REEP1: variants seen among roughly 807,000 people sequenced by gnomAD.
REEP1 encodes receptor expression-enhancing protein 1.
Under a neutral mutation model 40.3 loss-of-function variants are expected in REEP1, and 22 were observed. The observed-to-expected ratio is 0.55, with a 90% CI of 0.39 to 0.78. The LOEUF (loss-of-function observed/expected upper bound fraction) is 0.78. Among genes scored for constraint, REEP1 ranks in the 30% least tolerant of loss-of-function variants. REEP1 has a pLI of 0.00. For missense variants in REEP1, 280 were observed against 361.1 expected, an observed-to-expected ratio of 0.78 and a Z score of 1.82; for synonymous variants, 116 against 139.2, an observed-to-expected ratio of 0.83 and a Z score of 1.17.
chr2:86,283,864 G>A (rs1678237179), intron 1 of REEP1, among the ~76,000 whole-genome samples: 2 of 152,128 alleles, frequency 1.3e-5, no homozygotes, highest in African/African-American at 4.8e-5. Flanking sequence ...AGCCCAGCCA[G>A]GCCAGCCTCC....
intron 5 of REEP1, among the ~76,000 whole-genome samples, chr2:86,245,527 C>T (rs373174758): frequency 3.3e-5 from 5 of 152,186 alleles, no homozygotes; most frequent in African/African-American, 7.2e-5. Context: ...GCACCTATGA[C>T]GCACTGCCTC....
chr2:86,313,468 C>T (rs550610272), intron 1 of REEP1, among the ~76,000 whole-genome samples: 184 of 152,218 alleles, frequency 1.2e-3, no homozygotes, highest in Non-Finnish European at 2.3e-3. Flanking sequence ...GAGAAGTTTG[C>T]TACCTAGCTA....
intron 5 of REEP1, among the ~76,000 whole-genome samples, chr2:86,248,590 A>G (rs1197654657): frequency 6.6e-6 from 1 of 152,056 alleles, no homozygotes; most frequent in Non-Finnish European, 1.5e-5. Flanking sequence ...AGCTGGGACT[A>G]TAGGCACATG....
intron 1 of REEP1, among the ~76,000 whole-genome samples, chr2:86,332,630 G>A (rs1169715444): frequency 6.6e-6 from 1 of 152,146 alleles, no homozygotes; most frequent in Non-Finnish European, 1.5e-5. Flanking sequence ...AGGAAGTGGG[G>A]AGACTGACCC....
chr2:86,231,901 C>T (rs188240617), intron 6 of REEP1, among the ~76,000 whole-genome samples: 36 of 152,330 alleles, frequency 2.4e-4, no homozygotes, highest in African/African-American at 8.2e-4. Context: ...TGGGTCTCAC[C>T]CCAGACCTAC....
intron 2 of REEP1, among the ~76,000 whole-genome samples, chr2:86,267,707 T>A (rs930845808): frequency 6.6e-6 from 1 of 151,998 alleles, no homozygotes; most frequent in Non-Finnish European, 1.5e-5. Flanking sequence ...AAATTAGACT[T>A]CATCAAAATT....
intron 1 of REEP1, among the ~76,000 whole-genome samples, chr2:86,330,724 G>C (rs981197011): frequency 6.6e-6 from 1 of 151,928 alleles, no homozygotes; most frequent in East Asian, 1.9e-4. Flanking sequence ...GGGATTACAC[G>C]GTCAGCCACC....
intron 8 of REEP1, among the ~76,000 whole-genome samples, chr2:86,218,161 G>A (rs1362599999): frequency 6.6e-6 from 1 of 152,114 alleles, no homozygotes; most frequent in Non-Finnish European, 1.5e-5. Context: ...CTTCTGCAAA[G>A]GTTTCCCGGA....
Position 86,314,835 on chromosome 2 carries a change from G to A in REEP1, c.32+22644C>T, listed in dbSNP as rs560145090. ...AGCCTGCTGAGTAGCTGGGACTACA[G>A]GCATGCGCCACCATACCCAGCTAAT... On this transcript the variant is annotated intron_variant, in intron 1 of 8. Coordinates refer to ENST00000538924, the MANE Select transcript of REEP1 (RefSeq NM_001371279.1). Among the ~76,000 whole-genome samples, 19 of 150,724 alleles carry A rather than the reference G, an allele frequency of 1.3e-4. No homozygotes were observed. The East Asian group carries it at 3.4e-3, about 27-fold the overall frequency.
chr2:86,273,825 A>T (rs1677596816), intron 2 of REEP1, among the ~76,000 whole-genome samples: 1 of 152,090 alleles, frequency 6.6e-6, no homozygotes, highest in Non-Finnish European at 1.5e-5. Context: ...CATTTATCAC[A>T]CTGCTTTGAA....
intron 1 of REEP1, among the ~76,000 whole-genome samples, chr2:86,283,688 A>G (rs1678226046): frequency 6.6e-6 from 1 of 151,668 alleles, no homozygotes. Flanking sequence ...AGGGCTGTTA[A>G]CTCTTGACTC....
intron 4 of REEP1, among the ~76,000 whole-genome samples, chr2:86,253,656 G>C (rs1051382608): frequency 6.6e-6 from 1 of 152,172 alleles, no homozygotes; most frequent in Non-Finnish European, 1.5e-5. Context: ...ACAGGGATCC[G>C]TTCCTCAAAA....
intron 5 of REEP1, among the ~76,000 whole-genome samples, chr2:86,248,962 C>T (rs1228877904): frequency 6.6e-6 from 1 of 152,156 alleles, no homozygotes; most frequent in Non-Finnish European, 1.5e-5. Context: ...AGGCACTGTG[C>T]TAGGCTCTTG....
chr2:86,256,855 G>C (rs943232610), intron 3 of REEP1, among the ~76,000 whole-genome samples: 1 of 152,170 alleles, frequency 6.6e-6, no homozygotes, highest in African/African-American at 2.4e-5. Flanking sequence ...TTAGAGATCA[G>C]AAAGTCCTTT....
chr2:86,228,877 T>C (rs770680801), intron 6 of REEP1, among the ~76,000 whole-genome samples: 3 of 152,278 alleles, frequency 2.0e-5, no homozygotes, highest in Non-Finnish European at 4.4e-5. Context: ...AACATGTTCT[T>C]CATATAAACT....
chr2:86,235,682 G>A (rs1675281729), intron 5 of REEP1, among the ~76,000 whole-genome samples: 1 of 152,198 alleles, frequency 6.6e-6, no homozygotes, highest in Non-Finnish European at 1.5e-5. Flanking sequence ...ACATATGTGA[G>A]AGAAAGCAAC....
intron 1 of REEP1, among the ~76,000 whole-genome samples, chr2:86,288,901 G>C (rs1192974733): frequency 6.6e-6 from 1 of 152,018 alleles, no homozygotes; most frequent in African/African-American, 2.4e-5. Context: ...TGGCCATTTG[G>C]GCTGCTTAAC....
chr2:86,221,229 T>C (rs1228300238), intron 7 of REEP1, among the ~76,000 whole-genome samples: 1 of 152,094 alleles, frequency 6.6e-6, no homozygotes, highest in Non-Finnish European at 1.5e-5. Flanking sequence ...AACTGAACCC[T>C]AATCTTGGGC....
chr2:86,252,196 C>T (rs1676322253), intron 4 of REEP1, 126 bp from the exon 5 acceptor site: 2 of 746,942 alleles, frequency 2.7e-6, no homozygotes, highest in Non-Finnish European at 2.4e-6. Context: ...GCCTGAAAAG[C>T]TGTAGGCACT....
Sources: gnomAD v4.1 joint callset for allele counts (sites outside exome capture counted in the v4.1 genomes callset) on GRCh38, gnomAD v4.1.1 for gene constraint, MANE v1.5 for transcripts, NCBI Gene and HGNC (gene_info 2026-07-23, HGNC 2026-07-21) for gene names.